NDST4: variants seen among roughly 807,000 people sequenced by gnomAD.
The protein encoded by NDST4 is N-deacetylase and N-sulfotransferase 4.
In NDST4, 63 loss-of-function variants were observed where a neutral mutation model predicts 100.8. The observed-to-expected ratio is 0.62, with a 90% confidence interval of 0.51 to 0.77. The LOEUF is 0.77. Ranked by LOEUF, NDST4 falls within the 30% of genes least tolerant of loss-of-function variation. NDST4 has a pLI of 0.00. For synonymous variants in NDST4, 377 were observed against 361.8 expected, an observed-to-expected ratio of 1.04 and a Z score of -0.48; for missense variants, 943 against 1,018.4, an observed-to-expected ratio of 0.93 and a Z score of 1.01.
chr4:114,973,526 T>C (rs1178024685), intron 3 of NDST4, among the ~76,000 whole-genome samples: 1 of 151,940 alleles, frequency 6.6e-6, no homozygotes, highest in Non-Finnish European at 1.5e-5. Context: ...CATTTTGCAC[T>C]TATTAAAATT....
At chr4:114,922,546 C>T (rs938085200) in intron 6 of NDST4, among the ~76,000 whole-genome samples, 3 of 152,176 alleles carry the variant, frequency 2.0e-5, no homozygotes, top group African/African-American at 4.8e-5. Flanking sequence ...GTGTAATTTA[C>T]TTCCTTTTGT....
intron 10 of NDST4, among the ~76,000 whole-genome samples, chr4:114,839,855 T>TAAA (rs1723389529): frequency 6.6e-6 from 1 of 152,176 alleles, no homozygotes; most frequent in African/African-American, 2.4e-5. Flanking sequence ...GTAGTTATAT[T>TAAA]TATGTCTAAA....
chr4:114,833,727 GA>G lies in NDST4; in HGVS notation c.2287-13del, dbSNP rs1365097301. The stretch of plus-strand genomic sequence containing the variant: ...TCAATAATTAGCAACTGTAAAGTCA[GA>G]AATAGTCACTTTATGAAGAAAAAAA... On this transcript the variant is annotated splice_polypyrimidine_tract_variant and intron_variant, in intron 11 of 13. Transcript: ENST00000264363. 6.4e-7 allele frequency: 1 copy of G among 1,558,890 alleles called. No homozygotes were observed. The highest frequency in any genetic ancestry group is 1.4e-5 in the African/African-American group (1 of 73,300).
chr4:115,033,919 A>G (rs961260473), intron 2 of NDST4, among the ~76,000 whole-genome samples: 1 of 152,138 alleles, frequency 6.6e-6, no homozygotes, highest in Non-Finnish European at 1.5e-5. Context: ...CAACTTAAAG[A>G]CTCAATATTA....
At position 115,017,732 on chromosome 4, in the gene NDST4, T is replaced by C. The variant is rs573478301; in HGVS notation, c.979-40458A>G. Among the ~76,000 whole-genome samples, 3 of 152,114 alleles carry C rather than the reference T, an allele frequency of 2.0e-5. No homozygotes were observed. The South Asian group carries it at 6.2e-4, about 32-fold the overall frequency. On this transcript the variant is annotated intron_variant, in intron 2 of 13. Coordinates refer to ENST00000264363, the MANE Select transcript of NDST4 (RefSeq NM_022569.3). ...GGTATATTATAAAATGTCTCAGTTA[T>C]TTAGGAACAAAAAGGCAATCATTAA...
intron 2 of NDST4, among the ~76,000 whole-genome samples, chr4:114,998,773 T>C (rs1578441719): frequency 6.6e-6 from 1 of 152,182 alleles, no homozygotes; most frequent in Non-Finnish European, 1.5e-5. Context: ...TGCTTCATGG[T>C]ATGTTATATT....
intron 2 of NDST4, among the ~76,000 whole-genome samples, chr4:115,069,781 G>A (rs1729032701): frequency 6.6e-6 from 1 of 152,180 alleles, no homozygotes; most frequent in South Asian, 2.1e-4. Context: ...TACTCAGGAA[G>A]CTGTGGCAAG....
chr4:115,090,439 CTAAT>C (rs2126294565), intron 1 of NDST4, among the ~76,000 whole-genome samples: 1 of 151,876 alleles, frequency 6.6e-6, no homozygotes, highest in South Asian at 2.1e-4. Flanking sequence ...GAAAAAGGAT[CTAAT>C]TAAATTACAG....
chr4:114,931,338 T>C (rs996116675), intron 6 of NDST4, among the ~76,000 whole-genome samples: 4 of 151,656 alleles, frequency 2.6e-5, no homozygotes, highest in Non-Finnish European at 5.9e-5. Context: ...TACCAGCTAG[T>C]TTTGTGAAGA....
At chr4:114,867,664 G>GAAAAAAAAAAAAAAAAAAAA (rs1491405935) in intron 7 of NDST4, among the ~76,000 whole-genome samples, 1 of 26,084 alleles carries the variant, frequency 3.8e-5, no homozygotes, top group Non-Finnish European at 9.7e-5. Context: ...AAAAAAAAAA[G>GAAAAAAAAAAAAAAAAAAAA]CAAAAAAAAA....
At chr4:114,906,888 T>C (rs185683475) in intron 6 of NDST4, among the ~76,000 whole-genome samples, 10 of 152,162 alleles carry the variant, frequency 6.6e-5, no homozygotes, top group Admixed American at 2.0e-4. Flanking sequence ...GATTGGACTC[T>C]TTTGCACATT....
At chr4:115,103,492 G>A (rs1729776408) in intron 1 of NDST4, among the ~76,000 whole-genome samples, 1 of 151,924 alleles carries the variant, frequency 6.6e-6, no homozygotes, top group African/African-American at 2.4e-5. Flanking sequence ...TACTCAAATA[G>A]GAAATACTGA....
chr4:114,962,577 T>A (rs945800817), intron 4 of NDST4, among the ~76,000 whole-genome samples: 1 of 152,042 alleles, frequency 6.6e-6, no homozygotes, highest in African/African-American at 2.4e-5. Flanking sequence ...TCAAAAAGAT[T>A]AAAATACTTA....
intron 2 of NDST4, among the ~76,000 whole-genome samples, chr4:114,999,484 G>C (rs1727236434): frequency 6.6e-6 from 1 of 152,110 alleles, no homozygotes. Flanking sequence ...ATAAAAGCAA[G>C]TGATTAATAT....
intron 1 of NDST4, among the ~76,000 whole-genome samples, chr4:115,101,188 C>T (rs978000147): frequency 6.6e-6 from 1 of 151,932 alleles, no homozygotes; most frequent in Admixed American, 6.6e-5. Flanking sequence ...GTGACATATT[C>T]TATGACATAA....
At chr4:115,080,693 TGTG>T (rs1172076021) in intron 1 of NDST4, among the ~76,000 whole-genome samples, 1 of 72,020 alleles carries the variant, frequency 1.4e-5, no homozygotes, top group Non-Finnish European at 2.4e-5. Context: ...TAGTGTGTAG[TGTG>T]TGTGTGTGTG....
In NDST4 at chr4:115,077,105, T is replaced by G. The variant is rs1729205474; in HGVS notation, c.-69A>C. 1 of 1,392,334 alleles carries G rather than the reference T, an allele frequency of 7.2e-7. No individual in the cohort carries two copies. The highest frequency in any genetic ancestry group is 1.4e-5 in the African/African-American group (1 of 68,972). The allele number at this position is 1,392,334 out of a possible 1,614,324, so 86.2% of individuals were successfully genotyped here. On this transcript the variant is annotated 5_prime_UTR_variant, in exon 2 of 14. Coordinates refer to ENST00000264363, the MANE Select transcript of NDST4 (RefSeq NM_022569.3). ...CTAAAGTGCCATAGTGAATAAAGTA[T>G]GAGATGTTGCAAATATCACTTCCCC...
At chr4:114,984,190 A>T (rs1726847548) in intron 2 of NDST4, among the ~76,000 whole-genome samples, 1 of 150,432 alleles carries the variant, frequency 6.6e-6, no homozygotes, top group Non-Finnish European at 1.5e-5. Context: ...ATTTATTGAG[A>T]TGGAGTCTCA....
chr4:114,855,125 A>T (rs990349407), intron 7 of NDST4, among the ~76,000 whole-genome samples: 1 of 151,980 alleles, frequency 6.6e-6, no homozygotes, highest in African/African-American at 2.4e-5. Flanking sequence ...TTTAAATCAG[A>T]TTATTAGTTT....
Sources: allele counts gnomAD v4.1 joint callset (sites outside exome capture counted in the v4.1 genomes callset), GRCh38; gene constraint gnomAD v4.1.1; transcripts MANE v1.5; gene names NCBI Gene and HGNC (gene_info 2026-07-23, HGNC 2026-07-21).